The following QPCT variants were observed in gnomAD, a reference collection of about 807,000 sequenced individuals.
QPCT encodes the protein glutaminyl-peptide cyclotransferase.
A neutral mutation model predicts 43.4 loss-of-function variants in QPCT; 44 were observed. That is an observed-to-expected ratio of 1.01 (90% CI 0.80 to 1.30). QPCT has a LOEUF of 1.30. Ranked by LOEUF, QPCT falls within the 50% of genes most tolerant of loss-of-function variation. QPCT has a pLI of 0.00. For missense variants in QPCT, 526 were observed against 436.5 expected, an observed-to-expected ratio of 1.21 and a Z score of -1.83; for synonymous variants, 168 against 168.4, an observed-to-expected ratio of 1.00 and a Z score of 0.02.
At chr2:37,352,728 G>A (rs953907428) in intron 1 of QPCT, 61 bp from the exon 2 acceptor site, 13 of 1,562,174 alleles carry the variant, frequency 8.3e-6, no homozygotes, top group African/African-American at 1.4e-5. Context: ...TTGAAAACAT[G>A]TCAGAGTCTT....
At chr2:37,351,018 G>GC (rs1404015907) in intron 1 of QPCT, among the ~76,000 whole-genome samples, 1 of 152,208 alleles carries the variant, frequency 6.6e-6, no homozygotes, top group Non-Finnish European at 1.5e-5. Flanking sequence ...TGATCCTATA[G>GC]CCCATGCTCT....
intron 5 of QPCT, 35 bp from the exon 6 acceptor site, chr2:37,372,319 AAT>A: frequency 7.2e-7 from 1 of 1,386,162 alleles, no homozygotes. Flanking sequence ...ATAAGATAAA[AAT>A]AGTTGTTCAT....
chr2:37,370,699 G>C (rs1673054898), intron 5 of QPCT, among the ~76,000 whole-genome samples: 1 of 152,102 alleles, frequency 6.6e-6, no homozygotes, highest in African/African-American at 2.4e-5. Flanking sequence ...AGTTGACTAG[G>C]CCAGACCAGG....
At chr2:37,370,383 G>A (rs1258914421) in intron 5 of QPCT, among the ~76,000 whole-genome samples, 1 of 152,052 alleles carries the variant, frequency 6.6e-6, no homozygotes, top group Non-Finnish European at 1.5e-5. Flanking sequence ...CCTTAAAAAT[G>A]GTTTGAAAAT....
At chr2:37,368,279 T>C in intron 4 of QPCT, 1 of 248,516 alleles carries the variant, frequency 4.0e-6, no homozygotes, top group Non-Finnish European at 8.0e-6. Context: ...CTCATTTTCA[T>C]CCCCATTCCT....
chr2:37,348,698 G>T (rs1053606349), intron 1 of QPCT, among the ~76,000 whole-genome samples: 16 of 152,126 alleles, frequency 1.1e-4, no homozygotes, highest in African/African-American at 3.6e-4. Flanking sequence ...AGGATATCTG[G>T]TTCACACTTT....
intron 3 of QPCT, among the ~76,000 whole-genome samples, chr2:37,362,742 C>T (rs1475081257): frequency 6.6e-6 from 1 of 152,018 alleles, no homozygotes; most frequent in East Asian, 1.9e-4. Context: ...ATGGAAGAAG[C>T]CAGTGGTTTC....
At chr2:37,354,617 C>A (rs1347515706) in intron 2 of QPCT, among the ~76,000 whole-genome samples, 1 of 152,204 alleles carries the variant, frequency 6.6e-6, no homozygotes, top group African/African-American at 2.4e-5. Context: ...TTCGTGCACT[C>A]AAATGTCTCC....
intron 3 of QPCT, among the ~76,000 whole-genome samples, chr2:37,364,586 G>C (rs1227354832): frequency 1.3e-5 from 2 of 152,228 alleles, no homozygotes; most frequent in Non-Finnish European, 2.9e-5. Context: ...CAGGTTTGCA[G>C]AGGCAGGACG....
At chr2:37,345,978 T>C (rs993822892) in intron 1 of QPCT, among the ~76,000 whole-genome samples, 1 of 152,146 alleles carries the variant, frequency 6.6e-6, no homozygotes, top group Non-Finnish European at 1.5e-5. Flanking sequence ...TAAAATAGTA[T>C]GTTATAGAGA....
chr2:37,359,237 G>A (rs1175335914), intron 2 of QPCT, among the ~76,000 whole-genome samples: 5 of 152,006 alleles, frequency 3.3e-5, no homozygotes, highest in African/African-American at 4.8e-5. Context: ...AAATATATGT[G>A]TTTGTATGCT....
At chr2:37,370,688 G>T (rs890601227) in intron 5 of QPCT, among the ~76,000 whole-genome samples, 4 of 152,154 alleles carry the variant, frequency 2.6e-5, no homozygotes, top group African/African-American at 9.7e-5. Flanking sequence ...AAATAAATGG[G>T]AGTTGACTAG....
At chr2:37,358,567 C>T (rs1572732860) in intron 2 of QPCT, 2 of 152,204 alleles carry the variant, frequency 1.3e-5, no homozygotes, top group South Asian at 4.1e-4. Context: ...TAACTTCTCA[C>T]ATCGTGAAGT....
intron 3 of QPCT, among the ~76,000 whole-genome samples, chr2:37,365,394 A>G (rs1672941607): frequency 6.6e-6 from 1 of 152,210 alleles, no homozygotes; most frequent in South Asian, 2.1e-4. Flanking sequence ...GTAGCCATGT[A>G]GAGTCATTGG....
At position 37,344,779 on chromosome 2, in the gene QPCT, G is replaced by A; in HGVS notation, c.48G>A (p.Leu16=). 1 of 1,609,824 alleles carries A rather than the reference G, an allele frequency of 6.2e-7. No homozygotes were observed. The highest frequency in any genetic ancestry group is 8.5e-7 in the Non-Finnish European group (1 of 1,178,860). Residue 16 remains leucine, a synonymous_variant, in exon 1 of 7, where the codon CTG becomes CTA. Transcript: ENST00000338415. ...GCGTCGTGGGCACCCTCCACCTGCT[G>A]CTGCTGGTGGCCGCCCTGCCCTGGG... is the stretch of plus-strand genomic sequence containing the variant. ...HRRVVGTLHL[L]LLVAALPWAS...
intron 2 of QPCT, among the ~76,000 whole-genome samples, chr2:37,359,196 C>A (rs1370214924): frequency 6.6e-6 from 1 of 152,102 alleles, no homozygotes; most frequent in Non-Finnish European, 1.5e-5. Context: ...AAGTAGGATT[C>A]TTTTCCTACA....
At chr2:37,347,699 C>T (rs1558599740) in intron 1 of QPCT, among the ~76,000 whole-genome samples, 1 of 152,082 alleles carries the variant, frequency 6.6e-6, no homozygotes, top group Non-Finnish European at 1.5e-5. Context: ...CTGAATCTTC[C>T]CCAGGCCTTT....
intron 1 of QPCT, among the ~76,000 whole-genome samples, chr2:37,345,580 A>T (rs552707276): frequency 8.2e-4 from 125 of 152,310 alleles, no homozygotes; most frequent in African/African-American, 2.9e-3. Flanking sequence ...TCACGCCTGT[A>T]ATCCCAGCAC....
chr2:37,352,940 G>A lies in QPCT; in HGVS notation c.267+5G>A. 1 of 1,610,048 alleles carries A rather than the reference G, an allele frequency of 6.2e-7. No individual in the cohort carries two copies. The highest frequency in any genetic ancestry group is 1.3e-5 in the African/African-American group (1 of 75,000). On this transcript the variant is annotated splice_donor_5th_base_variant and intron_variant, in intron 2 of 6. Coordinates refer to ENST00000338415, the MANE Select transcript of QPCT (RefSeq NM_012413.4). ...GGAAGCTATGCTGCTCGTCAGGTGA[G>A]AACATGGGACACAAACCTCAAGCTT...
Sources: gnomAD v4.1 joint callset for allele counts (sites outside exome capture counted in the v4.1 genomes callset) on GRCh38, gnomAD v4.1.1 for gene constraint, MANE v1.5 for transcripts, NCBI Gene and HGNC (gene_info 2026-07-23, HGNC 2026-07-21) for gene names.